ATRX: variants seen among roughly 807,000 people sequenced by gnomAD.
The protein encoded by ATRX is chromatin remodeler ATRX.
In ATRX, 12 loss-of-function variants were observed where a neutral mutation model predicts 172.6. The observed-to-expected ratio is 0.07, with a 90% CI of 0.04 to 0.11. The LOEUF is 0.11. Among genes scored for constraint, ATRX ranks in the 10% least tolerant of loss-of-function variants. The pLI, the probability that ATRX is intolerant of heterozygous loss-of-function variation, is 1.00. For synonymous variants in ATRX, 674 were observed against 594.7 expected, an observed-to-expected ratio of 1.13 and a Z score of -1.94; for missense variants, 1,368 against 1,767.4, an observed-to-expected ratio of 0.77 and a Z score of 4.05.
At chrX:77,660,035 C>T (rs1013688701) in intron 12 of ATRX, among the ~76,000 whole-genome samples, 42 of 111,636 alleles carry the variant, frequency 3.8e-4, no homozygotes, top group African/African-American at 1.3e-3. Flanking sequence ...ATAAATTACC[C>T]ACAGAATCAG....
intron 27 of ATRX, among the ~76,000 whole-genome samples, chrX:77,585,583 CAAAAAAAAAAAAAAAAAAAAAAAAAAAA>C (rs781792876): frequency 3.5e-4 from 3 of 8,547 alleles, no homozygotes; most frequent in Admixed American, 2.4e-3. Flanking sequence ...CTCCCCCCAC[CAAAAAAAAAAAAAAAAAAAAAAAAAAAA>C]AAAAAAAAAA....
intron 34 of ATRX, among the ~76,000 whole-genome samples, chrX:77,510,997 T>G (rs1316603578): frequency 6.2e-5 from 7 of 112,764 alleles, no homozygotes; most frequent in Non-Finnish European, 9.4e-5. Flanking sequence ...CCCATTGCTA[T>G]GCAGGCTTCA....
chrX:77,689,111 G>A (rs2071743531), intron 6 of ATRX, among the ~76,000 whole-genome samples, 184 bp from the exon 7 acceptor site: 1 of 112,249 alleles, frequency 8.9e-6, no homozygotes, highest in African/African-American at 3.2e-5. Flanking sequence ...GACAACCTTG[G>A]CAAATTCCAA....
chrX:77,594,726 C>T (rs1217545135), intron 25 of ATRX: 1 of 111,752 alleles, frequency 8.9e-6, no homozygotes, highest in Non-Finnish European at 1.9e-5. Flanking sequence ...TTCCTTCCTT[C>T]CTTTCCAATA....
intron 10 of ATRX, among the ~76,000 whole-genome samples, chrX:77,670,267 AATAAG>A (rs781985350): frequency 5.9e-4 from 66 of 112,100 alleles, no homozygotes; most frequent in African/African-American, 1.9e-3. Context: ...CAGAATTATA[AATAAG>A]ATAATGGGTT....
chrX:77,767,970 ACTG>A (rs2076033615), intron 1 of ATRX, among the ~76,000 whole-genome samples: 1 of 111,692 alleles, frequency 9.0e-6, no homozygotes, highest in Non-Finnish European at 1.9e-5. Flanking sequence ...AAAATGAGAG[ACTG>A]AACTAAAAAA....
intron 15 of ATRX, among the ~76,000 whole-genome samples, chrX:77,636,896 AAAGAAG>A (rs1241537394): frequency 1.0e-5 from 1 of 95,323 alleles, no homozygotes; most frequent in East Asian, 3.3e-4. Context: ...GAAGAAGAAG[AAAGAAG>A]AAGAAGAAGG....
chrX:77,663,192 G>A (rs2070022963), intron 12 of ATRX, among the ~76,000 whole-genome samples, 190 bp downstream of exon 12: 1 of 110,882 alleles, frequency 9.0e-6, no homozygotes, highest in South Asian at 3.8e-4. Flanking sequence ...GACTACAGGT[G>A]CACACCACCA....
At chrX:77,537,973 G>T (rs995447046) in intron 30 of ATRX, among the ~76,000 whole-genome samples, 34 of 111,183 alleles carry the variant, frequency 3.1e-4, no homozygotes, top group Non-Finnish European at 6.4e-4. Context: ...TTATAAGTGG[G>T]AGCTGAATGA....
chrX:77,654,160 A>C lies in ATRX; in HGVS notation c.4255T>G (p.Tyr1419Asp). 8.3e-7 allele frequency: 1 copy of C among 1,210,762 alleles called. No individual in the cohort carries two copies. The highest frequency in any genetic ancestry group is 1.1e-6 in the Non-Finnish European group (1 of 894,839). The change falls in exon 14 of 35, where the codon TAT becomes GAT. Residue 1419 changes from tyrosine (Y) to aspartate (D), a missense_variant. By Grantham distance (160) the Tyr-to-Asp change is radical (BLOSUM62 -3). Around this residue, in one of 17 missense-constraint regions of ATRX, gnomAD observed 119 missense variants for 131.3 expected, o/e 0.91. Transcript: ENST00000373344. ...KAELEENQRS[Y>D]KQKKKRRRIK... ...CGTCGCCTTTTCTTTTTCTGTTTAT[A>C]GCTCCGCTGATTTTCTTCCAACTCT...
chrX:77,784,375 G>A (rs782367805), intron 1 of ATRX, among the ~76,000 whole-genome samples: 9 of 112,447 alleles, frequency 8.0e-5, no homozygotes, highest in Non-Finnish European at 1.7e-4. Context: ...TGACCCTTGT[G>A]TAAAATTAAT....
intron 28 of ATRX, among the ~76,000 whole-genome samples, chrX:77,560,714 A>G (rs1038602125): frequency 8.1e-5 from 9 of 111,697 alleles, no homozygotes; most frequent in Non-Finnish European, 1.7e-4. Flanking sequence ...TTAGTCTACC[A>G]ATCATATTAT....
chrX:77,673,559 T>C (rs963108023), intron 10 of ATRX, among the ~76,000 whole-genome samples: 1 of 111,162 alleles, frequency 9.0e-6, no homozygotes, highest in African/African-American at 3.3e-5. Context: ...TAAATCCAAT[T>C]AAATAGAAAT....
intron 3 of ATRX, among the ~76,000 whole-genome samples, chrX:77,698,007 T>C (rs1348434694): frequency 9.2e-6 from 1 of 108,843 alleles, no homozygotes; most frequent in African/African-American, 3.4e-5. Flanking sequence ...AAGTAGGGAG[T>C]TTCAAGGATC....
chrX:77,704,737 C>G (rs111788936), intron 2 of ATRX, among the ~76,000 whole-genome samples: 6,944 of 112,330 alleles, frequency 0.062, 212 homozygotes, highest in African/African-American at 0.12. Context: ...CAGGCTACGA[C>G]AGCACCCAGG....
intron 1 of ATRX, among the ~76,000 whole-genome samples, chrX:77,745,244 C>A (rs2075023097): frequency 9.2e-6 from 1 of 108,212 alleles, no homozygotes. Flanking sequence ...AAATATGTAC[C>A]CCAAAGAAAG....
chrX:77,716,902 C>A (rs1278172508), intron 2 of ATRX, among the ~76,000 whole-genome samples: 1 of 111,379 alleles, frequency 9.0e-6, no homozygotes, highest in African/African-American at 3.3e-5. Context: ...TAAATGCTTC[C>A]TTTTCTAAGC....
intron 22 of ATRX, among the ~76,000 whole-genome samples, chrX:77,602,059 A>G (rs191637123): frequency 1.8e-5 from 2 of 111,860 alleles, no homozygotes; most frequent in Non-Finnish European, 3.8e-5. Context: ...GCTGGAGTGC[A>G]GTGATGCAAT....
At chrX:77,647,495 G>A (rs1557114464) in intron 15 of ATRX, among the ~76,000 whole-genome samples, 1 of 111,804 alleles carries the variant, frequency 8.9e-6, no homozygotes, top group African/African-American at 3.2e-5. Flanking sequence ...AACATGTTAA[G>A]AAATGAAGAA....
Sources: allele counts gnomAD v4.1 joint callset (sites outside exome capture counted in the v4.1 genomes callset), GRCh38; gene constraint gnomAD v4.1.1; regional missense constraint gnomAD v4.1.1; transcripts MANE v1.5; gene names NCBI Gene and HGNC (gene_info 2026-07-23, HGNC 2026-07-21).